Variants in LOX observed in about 807,000 individuals in gnomAD.
LOX encodes protein-lysine 6-oxidase.
A neutral mutation model predicts 50.5 loss-of-function variants in LOX; 12 were observed. The ratio of observed to expected loss-of-function variants is 0.24; its 90% CI spans 0.15 to 0.38. The LOEUF is 0.38. LOX is among the 10% of genes least tolerant of loss of function. LOX has a pLI of 1.00. For missense variants in LOX, 504 were observed against 563.8 expected (o/e 0.89, Z 1.07); for synonymous variants, 254 against 230.6 (o/e 1.10, Z -0.92).
chr5:122,068,679 GA>G (rs1204542535), intron 6 of LOX, among the ~76,000 whole-genome samples: 3 of 152,020 alleles, frequency 2.0e-5, no homozygotes, highest in Non-Finnish European at 4.4e-5. Flanking sequence ...ATTAAACAAA[GA>G]AATTCATAAG....
Position 122,076,754 on chromosome 5 carries a change from G to A in LOX, c.740+139C>T. 4 of 665,298 alleles carry A rather than the reference G, an allele frequency of 6.0e-6. No homozygotes were observed. In the South Asian group the frequency reaches 7.3e-5, roughly 12 times the overall value. The allele number at this position is 665,298 out of a possible 1,614,324, so 41.2% of individuals were successfully genotyped here. Reference sequence around the variant, plus strand: ...CTCTCCGTCCAGGTCAGCATGCCCAGGAGGTCACGTCCCACTTCCCAGCTC... The same window carrying A: ...CTCTCCGTCCAGGTCAGCATGCCCAAGAGGTCACGTCCCACTTCCCAGCTC... On this transcript the variant is annotated intron_variant, in intron 2 of 6. Coordinates refer to ENST00000231004, the MANE Select transcript of LOX (RefSeq NM_002317.7).
In LOX at chr5:122,077,514, G is replaced by A. The variant is rs770854063; in HGVS notation, c.472C>T (p.Arg158Trp). 5 of 1,613,830 alleles carry A rather than the reference G, an allele frequency of 3.1e-6. No homozygotes were observed. Among genetic ancestry groups the A allele is most frequent in the Non-Finnish European group, 4.2e-6 (5 of 1,179,988 alleles). Reference protein sequence around the residue: ...PGEVPALSNLRPPSRVDGMVG... With the variant: ...PGEVPALSNLWPPSRVDGMVG... ...ATGCCGTCCACGCGGCTGGGCGGCC[G>A]CAGGTTACTGAGCGCAGGAACTTCT... Residue 158 changes from arginine (R) to tryptophan (W), a missense_variant, in exon 1 of 7, where the codon CGG becomes TGG. By Grantham distance (101) the Arg-to-Trp change is moderately radical. Around this residue, in one of 2 missense-constraint regions of LOX, gnomAD observed 398 missense variants for 365.8 expected, o/e 1.09. Coordinates refer to ENST00000231004, the MANE Select transcript of LOX (RefSeq NM_002317.7). This position sits in a 1 kb window ranked among gnomAD's most constrained non-coding sequence, Gnocchi z 4.9.
At chr5:122,070,784 G>A (rs911411677) in intron 4 of LOX, 195 bp from the exon 5 acceptor site, 5 of 440,140 alleles carry the variant, frequency 1.1e-5, no homozygotes, top group Non-Finnish European at 2.0e-5. Flanking sequence ...AAAGATACAG[G>A]ACTAATATAA....
chr5:122,074,489 TGTTC>T (rs1455441619), intron 3 of LOX, among the ~76,000 whole-genome samples: 1 of 152,216 alleles, frequency 6.6e-6, no homozygotes, highest in African/African-American at 2.4e-5. Flanking sequence ...ACTTGCCCTG[TGTTC>T]TCTAGTGTAT....
rs923909495 is a variant in LOX, at chr5:122,064,470, C to T, written c.*2273G>A. 22 of 150,994 alleles carry T rather than the reference C, an allele frequency of 1.5e-4. No individual in the cohort carries two copies. The highest frequency in any genetic ancestry group is 5.1e-4 in the African/African-American group (21 of 41,198). 9.4% of individuals were successfully genotyped at this position (150,994 alleles called of 1,614,324 possible). A position where few individuals can be genotyped will look rare whatever the true frequency, so the allele number is the denominator to read the frequency against. ...GAAAAAAAAAAATCGTCAAAATTAA[C>T]CAAATAGTAGGTGTTATATTTAAAA... On this transcript the variant is annotated 3_prime_UTR_variant, in exon 7 of 7. Transcript: ENST00000231004.
At chr5:122,068,328 A>G (rs1242074044) in intron 6 of LOX, among the ~76,000 whole-genome samples, 2 of 152,126 alleles carry the variant, frequency 1.3e-5, no homozygotes, top group Non-Finnish European at 2.9e-5. Context: ...GATTAAAAGC[A>G]AGAGACATTC....
intron 3 of LOX, 95 bp from the exon 4 acceptor site, chr5:122,074,264 T>C (rs1648536788): frequency 1.8e-6 from 2 of 1,100,564 alleles, no homozygotes; most frequent in South Asian, 1.7e-5. Context: ...CACAAATTTG[T>C]TTTCACATTA....
intron 4 of LOX, chr5:122,070,808 T>C: frequency 2.8e-6 from 1 of 352,084 alleles, no homozygotes; most frequent in Non-Finnish European, 5.1e-6. Context: ...GTAGTACACC[T>C]CACTTCTTAA....
chr5:122,077,918 G>A lies in LOX; in HGVS notation c.68C>T (p.Pro23Leu), dbSNP rs1754691769. 2 of 1,517,692 alleles carry A rather than the reference G, an allele frequency of 1.3e-6. No individual in the cohort carries two copies. The highest frequency in any genetic ancestry group is 1.7e-6 in the Non-Finnish European group (2 of 1,143,740). The allele number at this position is 1,517,692 out of a possible 1,614,324, so 94.0% of individuals were successfully genotyped here. ...LQLCALVHCA[P>L]PAAGQQQPPR... ...GGGCTGCTGTTGGCCGGCGGCGGGA[G>A]GGGCGCAGTGCACTAGCGCGCAGAG... The change falls in exon 1 of 7, where the codon CCT becomes CTT. Residue 23 changes from proline to leucine, a missense_variant. Physicochemically the swap from Pro to Leu is moderately conservative, Grantham distance 98. Around this residue, in one of 2 missense-constraint regions of LOX, gnomAD observed 398 missense variants for 365.8 expected, o/e 1.09. Transcript: ENST00000231004. The surrounding 1 kb of genome is among the most constrained non-coding windows in gnomAD (Gnocchi z 4.9).
chr5:122,074,247 A>G (rs1269031330), intron 3 of LOX, 78 bp from the exon 4 acceptor site: 21 of 1,229,928 alleles, frequency 1.7e-5, no homozygotes, highest in Non-Finnish European at 2.4e-5. Flanking sequence ...GACTTCCCCC[A>G]TGGCTTCACA....
At chr5:122,076,842 G>GC (rs755432980) in intron 2 of LOX, 51 bp downstream of exon 2, 29 of 1,508,900 alleles carry the variant, frequency 1.9e-5, no homozygotes, top group Admixed American at 3.3e-5. Flanking sequence ...GCACCAGAGC[G>GC]CCCCCTGAAG....
In LOX at chr5:122,074,195, G is replaced by T. The variant is rs983534094; in HGVS notation, c.879-26C>A. The stretch of plus-strand genomic sequence containing the variant: ...CTGATGTCCCACAAAACAAAAAGAT[G>T]GTGGTCAGTTACATACAGAGAAAGC... On this transcript the variant is annotated intron_variant, in intron 3 of 6. Transcript: ENST00000231004. The T allele has an allele frequency of 6.2e-6, 10 of 1,603,982 alleles. No individual in the cohort carries two copies. In the Admixed American group the frequency reaches 1.7e-4, roughly 27 times the overall value.
chr5:122,077,459 T>C lies in LOX; in HGVS notation c.527A>G (p.Lys176Arg). The change falls in exon 1 of 7, where the codon AAG becomes AGG. Residue 176 changes from lysine (K) to arginine (R), a missense_variant. Around this residue, in one of 2 missense-constraint regions of LOX, gnomAD observed 398 missense variants for 365.8 expected, o/e 1.09. Coordinates refer to ENST00000231004, the MANE Select transcript of LOX (RefSeq NM_002317.7). This position sits in a 1 kb window ranked among gnomAD's most constrained non-coding sequence, Gnocchi z 4.9. ...GTAATAAGGGTTGTCGTCAGAGTACTTGTAGGGGTTGTAAGGGTCGTCGCC... is the reference window on the plus strand; with the variant it reads ...GTAATAAGGGTTGTCGTCAGAGTACCTGTAGGGGTTGTAAGGGTCGTCGCC... Reference protein sequence around the residue: ...MVGDDPYNPYKYSDDNPYYNY... With the variant: ...MVGDDPYNPYRYSDDNPYYNY... 6.2e-7 allele frequency: 1 copy of C among 1,614,044 alleles called. No individual in the cohort carries two copies. Among genetic ancestry groups the C allele is most frequent in the Non-Finnish European group, 8.5e-7 (1 of 1,179,998 alleles).
At position 122,077,689 on chromosome 5, in the gene LOX, G is replaced by A. The variant is rs1289856512; in HGVS notation, c.297C>T (p.Thr99=). ...TPILLIRDNR[T]AAARTRTAGS... ...CGGCCGTCCGCGTTCGCGCCGCGGC[G>A]GTGCGGTTGTCGCGGATCAGCAGGA... The change falls in exon 1 of 7, where the codon ACC becomes ACT. Residue 99 remains threonine, a synonymous_variant. Transcript: ENST00000231004. This position sits in a 1 kb window ranked among gnomAD's most constrained non-coding sequence, Gnocchi z 4.9. The A allele has an allele frequency of 3.1e-6, 5 of 1,599,062 alleles. No individual in the cohort carries two copies. The Admixed American group carries it at 8.5e-5, about 27-fold the overall frequency.
intron 3 of LOX, 58 bp from the exon 4 acceptor site, chr5:122,074,227 G>T: frequency 2.1e-6 from 3 of 1,431,322 alleles, no homozygotes; most frequent in Non-Finnish European, 2.9e-6. Context: ...AAGCAATGAA[G>T]ATATTAAATG....
intron 6 of LOX, among the ~76,000 whole-genome samples, chr5:122,068,386 AC>A (rs1036080434): frequency 2.0e-5 from 3 of 152,142 alleles, no homozygotes; most frequent in African/African-American, 7.2e-5. Flanking sequence ...AGTCAGTAAG[AC>A]ATAGTTGGGA....
In LOX at chr5:122,077,260, G is replaced by A; in HGVS notation, c.631+95C>T. 1.3e-6 allele frequency: 2 copies of A among 1,559,932 alleles called. No homozygotes were observed. Among genetic ancestry groups the A allele is most frequent in the Non-Finnish European group, 8.7e-7 (1 of 1,154,996 alleles). On this transcript the variant is annotated intron_variant, in intron 1 of 6. Coordinates refer to ENST00000231004, the MANE Select transcript of LOX (RefSeq NM_002317.7). The surrounding 1 kb of genome is among the most constrained non-coding windows in gnomAD (Gnocchi z 4.9). ...GTGGGGGAGGGATCGGATCTGCGAG[G>A]ACCGGGGCCCGCCGCGCCCAGGCAG...
Position 122,076,944 on chromosome 5 carries a change from T to C in LOX, c.689A>G (p.Lys230Arg). The change falls in exon 2 of 7, where the codon AAG becomes AGG. Residue 230 changes from lysine (K) to arginine (R), a missense_variant. Physicochemically the swap from Lys to Arg is conservative, Grantham distance 26. Transcript: ENST00000231004. ...YYIQASTYVQ[K>R]MSMYNLRCAA... is the part of the protein sequence containing the mutation. ...GCATCTCAGGTTGTACATGGACATC[T>C]TCTGCACGTACGTGGACGCCTGGAT... The C allele has an allele frequency of 6.2e-7, 1 of 1,613,760 alleles. No homozygotes were observed. Among genetic ancestry groups the C allele is most frequent in the South Asian group, 1.1e-5 (1 of 91,052 alleles).
chr5:122,077,343 G>T lies in LOX; in HGVS notation c.631+12C>A. 1 of 1,613,612 alleles carries T rather than the reference G, an allele frequency of 6.2e-7. No homozygotes were observed. The highest frequency in any genetic ancestry group is 1.1e-5 in the South Asian group (1 of 91,010). On this transcript the variant is annotated intron_variant, in intron 1 of 6. Coordinates refer to ENST00000231004, the MANE Select transcript of LOX (RefSeq NM_002317.7). The surrounding 1 kb of genome is among the most constrained non-coding windows in gnomAD (Gnocchi z 4.9). ...GTGCACGGGTGCTTCCAGCGGACTT[G>T]GGGGTACTTACCGTACTGGAAGTAG...
Sources: gnomAD v4.1 joint callset for allele counts (sites outside exome capture counted in the v4.1 genomes callset) on GRCh38, gnomAD v4.1.1 for gene constraint, gnomAD v4.1.1 regional missense constraint, Gnocchi (gnomAD v3.1) non-coding constraint, MANE v1.5 for transcripts, NCBI Gene and HGNC (gene_info 2026-07-23, HGNC 2026-07-21) for gene names.